The following GSN variants were observed in gnomAD, a reference collection of about 807,000 sequenced individuals.
The protein encoded by GSN is actin-depolymerizing factor.
In GSN, 56 loss-of-function variants were observed where a neutral mutation model predicts 85.7. That is an observed-to-expected ratio of 0.65 (90% CI 0.53 to 0.82). The LOEUF is 0.82. GSN is among the 40% of genes least tolerant of loss of function. The pLI is 0.00. For synonymous variants in GSN, 373 were observed against 399.1 expected (o/e 0.93, Z 0.78); for missense variants, 857 against 979.8 (o/e 0.87, Z 1.67).
At chr9:121,230,832 A>T (rs1173341834) in intron 4 of GSN, among the ~76,000 whole-genome samples, 1 of 152,154 alleles carries the variant, frequency 6.6e-6, no homozygotes, top group Non-Finnish European at 1.5e-5. Context: ...GGTTAATGTG[A>T]TAGAAAAAAC....
At chr9:121,291,075 A>G (rs1404919051) in intron 2 of GSN, among the ~76,000 whole-genome samples, 1 of 152,188 alleles carries the variant, frequency 6.6e-6, no homozygotes, top group Non-Finnish European at 1.5e-5. Context: ...AATTAAAAAA[A>G]GTAAAAATAA....
intron 2 of GSN, chr9:121,286,182 A>G: frequency 1.7e-5 from 26 of 1,529,484 alleles, no homozygotes; most frequent in Non-Finnish European, 2.2e-5. Flanking sequence ...ATTCTGACCC[A>G]TGGGTGAGTA....
chr9:121,257,182 A>G (rs970622963), intron 6 of GSN, among the ~76,000 whole-genome samples: 8 of 152,330 alleles, frequency 5.3e-5, no homozygotes, highest in Non-Finnish European at 8.8e-5. Context: ...ATAAAGGTCA[A>G]GTAATCATTA....
At chr9:121,295,391 A>T (rs1219830164) in intron 2 of GSN, among the ~76,000 whole-genome samples, 1 of 152,230 alleles carries the variant, frequency 6.6e-6, no homozygotes, top group Non-Finnish European at 1.5e-5. Context: ...TGCTCCTAGG[A>T]GGACCCAGAG....
intron 6 of GSN, among the ~76,000 whole-genome samples, chr9:121,259,277 G>C (rs1244323769): frequency 2.0e-5 from 3 of 152,178 alleles, no homozygotes; most frequent in Non-Finnish European, 4.4e-5. Context: ...TTCTGGAGTG[G>C]AGAATAACGA....
At chr9:121,311,680 T>C (rs2061164097) in intron 5 of GSN, 1 of 152,564 alleles carries the variant, frequency 6.6e-6, no homozygotes, top group East Asian at 1.9e-4. Context: ...GTTTTGCCTG[T>C]TTCTGAACTT....
chr9:121,205,236 T>C (rs566585784), upstream of GSN, among the ~76,000 whole-genome samples: 7 of 152,312 alleles, frequency 4.6e-5, no homozygotes, highest in African/African-American at 1.4e-4. Context: ...GAAAGAAAGA[T>C]TGGAGACATG....
intron 2 of GSN, chr9:121,283,465 T>C (rs1160513598): frequency 6.5e-6 from 1 of 154,082 alleles, no homozygotes; most frequent in Admixed American, 6.6e-5. Context: ...ACCCGGCTAA[T>C]GTTTGTGTTT....
At chr9:121,244,395 A>C (rs1004101963) in intron 5 of GSN, among the ~76,000 whole-genome samples, 2 of 152,236 alleles carry the variant, frequency 1.3e-5, no homozygotes, top group South Asian at 4.1e-4. Flanking sequence ...ATTGCATGTT[A>C]CATTTTATAA....
chr9:121,310,878 C>T (rs777397723), intron 5 of GSN, 33 bp downstream of exon 5: 1 of 1,608,068 alleles, frequency 6.2e-7, no homozygotes, highest in Non-Finnish European at 8.5e-7. Context: ...CCAGGAGCCA[C>T]TGAGGTGCTC....
At position 121,237,633 on chromosome 9, in the gene GSN, A is replaced by G. The variant is rs116254333; in HGVS notation, c.-389+6330A>G. On this transcript the variant is annotated intron_variant, in intron 5 of 24. Coordinates refer to the GSN transcript ENST00000373823. ...AGAGCAGCAGCACAGAACCACAGGC[A>G]CATCAACAACCCAAAAGAAAATGCT... 6.1e-3 allele frequency among the ~76,000 whole-genome samples: 925 copies of G among 152,330 alleles called. 13 individuals carry two copies. Among genetic ancestry groups the G allele is most frequent in the African/African-American group, 0.021 (858 of 41,570 alleles).
At chr9:121,316,985 C>A in intron 7 of GSN, 101 bp from the exon 8 acceptor site, 2 of 1,474,848 alleles carry the variant, frequency 1.4e-6, no homozygotes, top group Non-Finnish European at 1.9e-6. Context: ...TGTTACTCTA[C>A]AGGGCCATTT....
chr9:121,219,942 C>T (rs575146633), intron 4 of GSN, among the ~76,000 whole-genome samples: 119 of 151,656 alleles, frequency 7.8e-4, no homozygotes, highest in African/African-American at 2.8e-3. Context: ...AGTGCAATGG[C>T]GCGATCTCAG....
intron 4 of GSN, among the ~76,000 whole-genome samples, chr9:121,224,261 T>A (rs2054230015): frequency 6.6e-6 from 1 of 152,052 alleles, no homozygotes; most frequent in South Asian, 2.1e-4. Context: ...CACGCCCGGC[T>A]AATTTTTTAA....
intron 2 of GSN, among the ~76,000 whole-genome samples, chr9:121,287,837 G>A (rs1333704595): frequency 2.6e-5 from 4 of 152,008 alleles, no homozygotes; most frequent in Non-Finnish European, 4.4e-5. Flanking sequence ...TCACAATCCA[G>A]TTGAGAAGAT....
rs2059614998 is a variant in GSN, at chr9:121,299,885, C to G, written c.-9-2078C>G. 1.5e-6 allele frequency: 2 copies of G among 1,320,992 alleles called. No homozygotes were observed. The highest frequency in any genetic ancestry group is 1.9e-6 in the Non-Finnish European group (2 of 1,025,880). 81.8% of individuals were successfully genotyped at this position (1,320,992 alleles called of 1,614,324 possible). A position where few individuals can be genotyped will look rare whatever the true frequency, so the allele number is the denominator to read the frequency against. On this transcript the variant is annotated intron_variant, in intron 2 of 17. Transcript: ENST00000432226. This position sits in a 1 kb window ranked among gnomAD's most constrained non-coding sequence, Gnocchi z 4.2. ...CCATGGCTCCGCACCGCCCCGCGCCCGCGCTGCTTTGCGCGCTGTCCCTGG... is the reference window on the plus strand; with the variant it reads ...CCATGGCTCCGCACCGCCCCGCGCCGGCGCTGCTTTGCGCGCTGTCCCTGG...
At chr9:121,255,230 G>A (rs891599326) in intron 6 of GSN, among the ~76,000 whole-genome samples, 1 of 152,050 alleles carries the variant, frequency 6.6e-6, no homozygotes, top group African/African-American at 2.4e-5. Flanking sequence ...GTACAGGTGT[G>A]AACCACCGCA....
intron 4 of GSN, among the ~76,000 whole-genome samples, chr9:121,217,130 CGGGTGGATCACAAGGTCA>C (rs1381823276): frequency 6.6e-6 from 1 of 152,098 alleles, no homozygotes; most frequent in Non-Finnish European, 1.5e-5. Flanking sequence ...GAGGCCAAGG[CGGGTGGATCACAAGGTCA>C]GGGTGGATCA....
At chr9:121,224,177 A>G (rs1280994122) in intron 4 of GSN, among the ~76,000 whole-genome samples, 2 of 151,384 alleles carry the variant, frequency 1.3e-5, no homozygotes, top group African/African-American at 4.9e-5. Context: ...GCTCACTGCA[A>G]CCTCCGCCTC....
Sources: gnomAD v4.1 joint callset for allele counts (sites outside exome capture counted in the v4.1 genomes callset) on GRCh38, gnomAD v4.1.1 for gene constraint, Gnocchi (gnomAD v3.1) non-coding constraint, MANE v1.5 for transcripts, NCBI Gene and HGNC (gene_info 2026-07-23, HGNC 2026-07-21) for gene names.